The following RBM12 variants were observed in gnomAD, a reference collection of about 807,000 sequenced individuals.
RBM12 encodes RNA-binding protein 12.
A neutral mutation model predicts 37.2 loss-of-function variants in RBM12; 24 were observed. The ratio of observed to expected loss-of-function variants is 0.65; its 90% confidence interval spans 0.47 to 0.91. RBM12 has a LOEUF of 0.91. Ranked by LOEUF, RBM12 falls within the 40% of genes least tolerant of loss-of-function variation. The pLI, the probability that RBM12 is intolerant of heterozygous loss-of-function variation, is 0.00. For missense variants in RBM12, 1,061 were observed against 1,183.2 expected (o/e 0.90, Z 1.52); for synonymous variants, 420 against 425.2 (o/e 0.99, Z 0.15).
Position 35,653,313 on chromosome 20 carries a change from T to C in RBM12, c.2010A>G (p.Ala670=), listed in dbSNP as rs1601471664. 6.2e-7 allele frequency: 1 copy of C among 1,613,838 alleles called. No individual in the cohort carries two copies. Among genetic ancestry groups the C allele is most frequent in the Non-Finnish European group, 8.5e-7 (1 of 1,179,896 alleles). Residue 670 remains alanine, a synonymous_variant, in exon 3 of 3, where the codon GCA becomes GCG. Coordinates refer to ENST00000374114, the MANE Select transcript of RBM12 (RefSeq NM_006047.6). ...VGLPSAGLPG[A]GLPSTGLPGS... Reference sequence around the variant, plus strand: ...CAGGCAGTCCTGTGCTGGGCAGGCCTGCACCGGGAAGTCCTGCACTGGGCA... The same window carrying C: ...CAGGCAGTCCTGTGCTGGGCAGGCCCGCACCGGGAAGTCCTGCACTGGGCA...
rs756332225 is a variant in RBM12 at position 35,654,993 on chromosome 20, G to A, written c.330C>T (p.Ser110=). The A allele has an allele frequency of 2.5e-6, 4 of 1,614,174 alleles. No homozygotes were observed. Among genetic ancestry groups the A allele is most frequent in the South Asian group, 1.1e-5 (1 of 91,082 alleles). ...AGTTTACCCTGCTACTCATTCCTGA[G>A]CTAGGTGGTGGTCCTGATCTACTGG... is the stretch of plus-strand genomic sequence containing the variant. The part of the protein sequence containing the change: ...ANASRSGPPP[S]SGMSSRVNLP... Residue 110 remains serine (S), a synonymous_variant, in exon 3 of 3, where the codon AGC becomes AGT. Coordinates refer to ENST00000374114, the MANE Select transcript of RBM12 (RefSeq NM_006047.6).
At chr20:35,655,454 C>T in intron 2 of RBM12, 110 bp from the exon 3 acceptor site, 1 of 877,224 alleles carries the variant, frequency 1.1e-6, no homozygotes. Context: ...TTCCCTCAAG[C>T]TATCACAGGC....
At chr20:35,660,771 G>GT (rs1479124378) in intron 1 of RBM12, among the ~76,000 whole-genome samples, 1 of 152,160 alleles carries the variant, frequency 6.6e-6, no homozygotes, top group Non-Finnish European at 1.5e-5. Flanking sequence ...AAAAGGTCAG[G>GT]TATGGGGCCA....
rs754243964 is a variant in RBM12, at chr20:35,653,179, G to T, written c.2144C>A (p.Ala715Asp). 2.5e-6 allele frequency: 4 copies of T among 1,613,374 alleles called. No homozygotes were observed. Among genetic ancestry groups the T allele is most frequent in the Non-Finnish European group, 3.4e-6 (4 of 1,180,034 alleles). Reference protein sequence around the residue: ...HAFLTVGSKEANNGPPFNFPG... With the variant: ...HAFLTVGSKEDNNGPPFNFPG... ...AAAGTTAAATGGAGGCCCATTATTGGCTTCCTTTGATCCTACAGTCAGGAA... is the reference window on the plus strand; with the variant it reads ...AAAGTTAAATGGAGGCCCATTATTGTCTTCCTTTGATCCTACAGTCAGGAA... The change falls in exon 3 of 3, where the codon GCC becomes GAC. Residue 715 changes from alanine to aspartate, a missense_variant. Ala to Asp is a moderately radical substitution (Grantham distance 126). Transcript: ENST00000374114.
chr20:35,649,759 T>TA lies in RBM12; in HGVS notation c.*2764dup, dbSNP rs900210296. ...AAATCAAAAGAAAAATGAACACCAA[T>TA]AAAAAAAAAATCAGAAGGGAGAGGA... is the stretch of plus-strand genomic sequence containing the variant. On this transcript the variant is annotated 3_prime_UTR_variant, in exon 3 of 3. Coordinates refer to ENST00000374114, the MANE Select transcript of RBM12 (RefSeq NM_006047.6). The TA allele has an allele frequency of 8.5e-4, 123 of 144,226 alleles. 1 individual carries two copies. In the Middle Eastern group the frequency reaches 0.018, roughly 21 times the overall value. 8.9% of individuals were successfully genotyped at this position (144,226 alleles called of 1,614,324 possible). A position where few individuals can be genotyped will look rare whatever the true frequency, so the allele number is the denominator to read the frequency against.
rs1457618659 is a variant in RBM12 at position 35,653,195 on chromosome 20, C to A, written c.2128G>T (p.Val710Leu). ...AGGEEHAFLT[V>L]GSKEANNGPP... Reference sequence around the variant, plus strand: ...CCATTATTGGCTTCCTTTGATCCTACAGTCAGGAAGGCATGCTCTTCACCT... The same window carrying A: ...CCATTATTGGCTTCCTTTGATCCTAAAGTCAGGAAGGCATGCTCTTCACCT... The change falls in exon 3 of 3, where the codon GTA becomes TTA. Residue 710 changes from valine (V) to leucine (L), a missense_variant. This residue lies in a region of RBM12 where 517 missense variants were observed against 534.0 expected (regional missense o/e 0.97). Transcript: ENST00000374114. The A allele has an allele frequency of 6.2e-7, 1 of 1,613,500 alleles. No individual in the cohort carries two copies. The highest frequency in any genetic ancestry group is 8.5e-7 in the Non-Finnish European group (1 of 1,180,008).
At position 35,654,519 on chromosome 20, in the gene RBM12, C is replaced by T; in HGVS notation, c.804G>A (p.Leu268=). The T allele has an allele frequency of 6.2e-7, 1 of 1,614,156 alleles. No individual in the cohort carries two copies. The highest frequency in any genetic ancestry group is 1.1e-5 in the South Asian group (1 of 91,072). The part of the protein sequence containing the change: ...GMNGSGAPMN[L]NNNLNPMFLG... ...GAAACATAGGATTCAGATTATTGTT[C>T]AAATTCATAGGTGCTCCAGAGCCAT... Residue 268 remains leucine (L), a synonymous_variant, in exon 3 of 3, where the codon TTG becomes TTA. Coordinates refer to ENST00000374114, the MANE Select transcript of RBM12 (RefSeq NM_006047.6).
rs1168654400 is a variant in RBM12, at chr20:35,650,499, T to C, written c.*2025A>G. 1 of 152,646 alleles carries C rather than the reference T, an allele frequency of 6.6e-6. No homozygotes were observed. The highest frequency in any genetic ancestry group is 2.1e-4 in the South Asian group (1 of 4,834). 9.5% of individuals were successfully genotyped at this position (152,646 alleles called of 1,614,324 possible). ...AACTCTCAAGCAGTGCTGAAGTTTT[T>C]TGCATTGTCTTTGGAATGAGAAATG... On this transcript the variant is annotated 3_prime_UTR_variant, in exon 3 of 3. Transcript: ENST00000374114.
intron 2 of RBM12, 71 bp from the exon 3 acceptor site, chr20:35,655,415 G>A: frequency 7.6e-7 from 1 of 1,308,334 alleles, no homozygotes; most frequent in South Asian, 1.5e-5. Context: ...CTACAAGAAT[G>A]ACCAGCTACC....
In RBM12 at chr20:35,653,310, GCCTGCACCGGGAAGT is replaced by G. The variant is rs1390648174; in HGVS notation, c.1998_2012del (p.Gly669_Pro673del). On this transcript the variant is annotated inframe_deletion, in exon 3 of 3. Coordinates refer to ENST00000374114, the MANE Select transcript of RBM12 (RefSeq NM_006047.6). ...AACCAGGCAGTCCTGTGCTGGGCAG[GCCTGCACCGGGAAGT>G]CCTGCACTGGGCAGTCCCACACCGG... The G allele has an allele frequency of 1.9e-6, 3 of 1,613,584 alleles. No homozygotes were observed. The highest frequency in any genetic ancestry group is 1.1e-5 in the South Asian group (1 of 91,014).
At position 35,650,594 on chromosome 20, in the gene RBM12, G is replaced by C. The variant is rs1381734691; in HGVS notation, c.*1930C>G. On this transcript the variant is annotated 3_prime_UTR_variant, in exon 3 of 3. Transcript: ENST00000374114. ...TATTGCTTTTGAAATTGAGGAGGCA[G>C]TATCTAGTGATCGGTCAAAGCAAAT... 1 of 152,598 alleles carries C rather than the reference G, an allele frequency of 6.6e-6. No homozygotes were observed. Among genetic ancestry groups the C allele is most frequent in the Non-Finnish European group, 1.5e-5 (1 of 68,030 alleles). 9.5% of individuals were successfully genotyped at this position (152,598 alleles called of 1,614,324 possible). A position where few individuals can be genotyped will look rare whatever the true frequency, so the allele number is the denominator to read the frequency against.
Position 35,654,225 on chromosome 20 carries a change from C to A in RBM12, c.1098G>T (p.Leu366=). 1.2e-6 allele frequency: 2 copies of A among 1,614,222 alleles called. No homozygotes were observed. Among genetic ancestry groups the A allele is most frequent in the Non-Finnish European group, 1.7e-6 (2 of 1,180,040 alleles). Residue 366 remains leucine, a synonymous_variant, in exon 3 of 3, where the codon CTG becomes CTT. Transcript: ENST00000374114. ...TFEALKRNRM[L]MIQRYVEVSP... is the part of the protein sequence containing the mutation. Reference sequence around the variant, plus strand: ...TAACTTCCACATAGCGTTGAATCATCAGCATTCTGTTTCGTTTCAAAGCTT... The same window carrying A: ...TAACTTCCACATAGCGTTGAATCATAAGCATTCTGTTTCGTTTCAAAGCTT...
Position 35,649,452 on chromosome 20 carries a change from C to A in RBM12, c.*3072G>T, listed in dbSNP as rs1161808855. On this transcript the variant is annotated 3_prime_UTR_variant, in exon 3 of 3. Transcript: ENST00000374114. Reference sequence around the variant, plus strand: ...TCCAGTGGGTTAAGACTGGCCTTAACTACACTGAATATTACTACCTGAAAT... The same window carrying A: ...TCCAGTGGGTTAAGACTGGCCTTAAATACACTGAATATTACTACCTGAAAT... 1 of 152,534 alleles carries A rather than the reference C, an allele frequency of 6.6e-6. No homozygotes were observed. Among genetic ancestry groups the A allele is most frequent in the African/African-American group, 2.4e-5 (1 of 41,452 alleles). The allele number at this position is 152,534 out of a possible 1,614,324, so 9.4% of individuals were successfully genotyped here. A position where few individuals can be genotyped will look rare whatever the true frequency, so the allele number is the denominator to read the frequency against.
chr20:35,662,421 A>C (rs1478679755), intron 1 of RBM12, among the ~76,000 whole-genome samples: 1 of 152,222 alleles, frequency 6.6e-6, no homozygotes, highest in Non-Finnish European at 1.5e-5. Flanking sequence ...ATAAAACTGT[A>C]GTTTAGATAA....
rs1460294124 is a variant in RBM12 at position 35,653,960 on chromosome 20, T to C, written c.1363A>G (p.Ile455Val). 2 of 1,614,170 alleles carry C rather than the reference T, an allele frequency of 1.2e-6. No homozygotes were observed. The highest frequency in any genetic ancestry group is 2.2e-5 in the East Asian group (1 of 44,886). The change falls in exon 3 of 3, where the codon ATT becomes GTT. Residue 455 changes from isoleucine to valine, a missense_variant. By Grantham distance (29) the Ile-to-Val change is conservative (BLOSUM62 3). This residue lies in a region of RBM12 where 540 missense variants were observed against 632.7 expected (regional missense o/e 0.85). Coordinates refer to ENST00000374114, the MANE Select transcript of RBM12 (RefSeq NM_006047.6). ...GCTATATAAATACTATCTTCCACAA[T>C]ATCCAGCTTTTTAAAAAAATCAATG... ...HVIDFFKKLD[I>V]VEDSIYIAYG...
At position 35,653,388 on chromosome 20, in the gene RBM12, A is replaced by G; in HGVS notation, c.1935T>C (p.Gly645=). 1 of 1,614,174 alleles carries G rather than the reference A, an allele frequency of 6.2e-7. No homozygotes were observed. The highest frequency in any genetic ancestry group is 8.5e-7 in the Non-Finnish European group (1 of 1,180,008). The part of the protein sequence containing the change: ...GKKGLKMPVP[G]NPAVPGMPNA... The stretch of plus-strand genomic sequence containing the variant: ...TGGGCATTCCTGGAACTGCAGGATT[A>G]CCTGGCACAGGCATCTTTAATCCCT... Residue 645 remains glycine, a synonymous_variant, in exon 3 of 3, where the codon GGT becomes GGC. Transcript: ENST00000374114.
chr20:35,663,859 A>C (rs1298127430), intron 1 of RBM12, among the ~76,000 whole-genome samples: 1 of 152,132 alleles, frequency 6.6e-6, no homozygotes, highest in East Asian at 1.9e-4. Context: ...GTGGCTGCAA[A>C]CTAATGCAGC....
At position 35,653,232 on chromosome 20, in the gene RBM12, T is replaced by TA; in HGVS notation, c.2090dup (p.Pro698ThrfsTer2). ...CATGCTCTTCACCTCCTGCACTAGG[T>TA]ATTCCTGCACTGGGCATTCCCGCAC... On this transcript the variant is annotated frameshift_variant, in exon 3 of 3. Transcript: ENST00000374114. LOFTEE classifies it high-confidence loss of function. 6.2e-7 allele frequency: 1 copy of TA among 1,613,548 alleles called. No individual in the cohort carries two copies. The highest frequency in any genetic ancestry group is 8.5e-7 in the Non-Finnish European group (1 of 1,179,940).
At position 35,653,316 on chromosome 20, in the gene RBM12, A is replaced by G. The variant is rs1385447508; in HGVS notation, c.2007T>C (p.Gly669=). The part of the protein sequence containing the change: ...GVGLPSAGLP[G]AGLPSTGLPG... ...GCAGTCCTGTGCTGGGCAGGCCTGC[A>G]CCGGGAAGTCCTGCACTGGGCAGTC... Residue 669 remains glycine (G), a synonymous_variant, in exon 3 of 3, where the codon GGT becomes GGC. Transcript: ENST00000374114. The G allele has an allele frequency of 1.2e-6, 2 of 1,613,820 alleles. No individual in the cohort carries two copies. Among genetic ancestry groups the G allele is most frequent in the South Asian group, 2.2e-5 (2 of 91,042 alleles).
Sources: gnomAD v4.1 joint callset for allele counts (sites outside exome capture counted in the v4.1 genomes callset) on GRCh38, gnomAD v4.1.1 for gene constraint, gnomAD v4.1.1 regional missense constraint, MANE v1.5 for transcripts, NCBI Gene and HGNC (gene_info 2026-07-23, HGNC 2026-07-21) for gene names.